Variants in SCN11A observed in about 807,000 individuals in gnomAD.
SCN11A encodes the protein sodium voltage-gated channel alpha subunit 11, also known as sodium channel protein type 11 subunit alpha.
A neutral mutation model predicts 162.2 loss-of-function variants in SCN11A; 122 were observed. That is an observed-to-expected ratio of 0.75 (90% CI 0.65 to 0.87). SCN11A has a LOEUF of 0.87. Ranked by LOEUF, SCN11A falls within the 40% of genes least tolerant of loss-of-function variation. The probability of loss-of-function intolerance (pLI) is 0.00; values close to 1 mark genes in which losing one functional copy is unlikely to be tolerated. For synonymous variants in SCN11A, 758 were observed against 751.5 expected, an observed-to-expected ratio of 1.01 and a Z score of -0.14; for missense variants, 2,015 against 2,181.6, an observed-to-expected ratio of 0.92 and a Z score of 1.52.
At position 38,846,741 on chromosome 3, in the gene SCN11A, C is replaced by A; in HGVS notation, c.5329G>T (p.Asp1777Tyr). The A allele has an allele frequency of 6.2e-7, 1 of 1,614,112 alleles. No homozygotes were observed. Among genetic ancestry groups the A allele is most frequent in the Non-Finnish European group, 8.5e-7 (1 of 1,180,014 alleles). ...HSPLQTLCNG[D>Y]LSSFGVAKGK... ...TTGGCCACCCCAAAGCTAGACAAGT[C>A]TCCATTGCAAAGAGTCTGGAGTGGT... The change falls in exon 30 of 30, where the codon GAC (aspartate) becomes TAC (tyrosine). Residue 1777 changes from aspartate to tyrosine, a missense_variant. Transcript: ENST00000302328.
chr3:38,921,733 C>G (rs998969136), intron 9 of SCN11A, among the ~76,000 whole-genome samples: 44 of 152,098 alleles, frequency 2.9e-4, no homozygotes, highest in African/African-American at 9.9e-4. Flanking sequence ...TGTCTAGACC[C>G]AAATTATGAG....
chr3:38,947,425 G>T (rs1272814809), intron 5 of SCN11A, among the ~76,000 whole-genome samples: 1 of 152,186 alleles, frequency 6.6e-6, no homozygotes, highest in African/African-American at 2.4e-5. Flanking sequence ...CTTTACCTCT[G>T]TGGACATAGG....
rs146367296 is a variant in SCN11A, at chr3:38,883,369, G to T, written c.3083C>A (p.Pro1028Gln). ...CTTTCTCTTGTCCACGCTACAGCAT[G>T]GAAAGCAGCAACCAAAGCCTGAAAG... ...CLPKGFGCCF[P>Q]CCSVDKRKPP... The change falls in exon 22 of 30, where the codon CCA becomes CAA. Residue 1028 changes from proline (P) to glutamine (Q), a missense_variant. Transcript: ENST00000302328. 1.5e-5 allele frequency: 24 copies of T among 1,612,826 alleles called. No homozygotes were observed. The highest frequency in any genetic ancestry group is 1.9e-5 in the Non-Finnish European group (22 of 1,179,644).
chr3:38,874,617 A>C (rs2065179538), intron 23 of SCN11A, among the ~76,000 whole-genome samples: 1 of 152,084 alleles, frequency 6.6e-6, no homozygotes, highest in African/African-American at 2.4e-5. Context: ...AATGAGTAAA[A>C]AGAGGCCTCT....
At position 38,925,467 on chromosome 3, in the gene SCN11A, G is replaced by C. The variant is rs761027601; in HGVS notation, c.660C>G (p.Pro220=). The change falls in exon 9 of 30, where the codon CCC becomes CCG. Residue 220 remains proline, a synonymous_variant. Transcript: ENST00000302328. ...CTCTGAACACACGGAAGGTACGCAG[G>C]GGCAATAGTTTGATGGTGATTCCTG... The part of the protein sequence containing the change: ...YIPGITIKLL[P]LRTFRVFRAL... 6.2e-7 allele frequency: 1 copy of C among 1,613,822 alleles called. No individual in the cohort carries two copies. Among genetic ancestry groups the C allele is most frequent in the Non-Finnish European group, 8.5e-7 (1 of 1,179,768 alleles).
intron 1 of SCN11A, among the ~76,000 whole-genome samples, chr3:39,050,992 G>T (rs187995148): frequency 6.6e-6 from 1 of 152,170 alleles, no homozygotes; most frequent in East Asian, 1.9e-4. Context: ...TATAATTAGT[G>T]GTCAGGAAAA....
intron 2 of SCN11A, among the ~76,000 whole-genome samples, chr3:38,997,869 C>A (rs948700479): frequency 1.2e-4 from 19 of 152,170 alleles, no homozygotes; most frequent in African/African-American, 4.3e-4. Context: ...TGAATACCAA[C>A]CAATGCCTGT....
At chr3:38,970,050 C>T in intron 2 of SCN11A, among the ~76,000 whole-genome samples, 1 of 150,714 alleles carries the variant, frequency 6.6e-6, no homozygotes, top group South Asian at 2.1e-4. Context: ...CGGCCCCTGG[C>T]TTCTGGTCCC....
intron 2 of SCN11A, among the ~76,000 whole-genome samples, chr3:38,961,202 G>C (rs146722484): frequency 6.6e-6 from 1 of 152,076 alleles, no homozygotes; most frequent in Non-Finnish European, 1.5e-5. Flanking sequence ...TACTGGTTTC[G>C]GCTCCACCAC....
intron 7 of SCN11A, among the ~76,000 whole-genome samples, chr3:38,931,048 C>T (rs2066232548): frequency 6.6e-6 from 1 of 152,234 alleles, no homozygotes; most frequent in African/African-American, 2.4e-5. Flanking sequence ...TCTGTCTCCT[C>T]CATAGGTCCT....
At chr3:38,922,676 G>C (rs2066072623) in intron 9 of SCN11A, among the ~76,000 whole-genome samples, 1 of 151,864 alleles carries the variant, frequency 6.6e-6, no homozygotes, top group Admixed American at 6.6e-5. Flanking sequence ...AGAAGAAGGA[G>C]AAGGAGGAGG....
intron 5 of SCN11A, among the ~76,000 whole-genome samples, chr3:38,948,487 A>G (rs1472376949): frequency 6.6e-6 from 1 of 152,214 alleles, no homozygotes; most frequent in African/African-American, 2.4e-5. Context: ...AAAGAGAAGT[A>G]GCCTGTGATG....
intron 2 of SCN11A, among the ~76,000 whole-genome samples, chr3:38,981,860 C>T (rs1267089048): frequency 2.6e-5 from 4 of 151,652 alleles, no homozygotes; most frequent in African/African-American, 4.9e-5. Context: ...AAAAATTAGC[C>T]GGGCATGGTG....
At chr3:38,973,428 ATATAAT>A (rs774277769) in intron 2 of SCN11A, among the ~76,000 whole-genome samples, 2 of 147,572 alleles carry the variant, frequency 1.4e-5, no homozygotes, top group Non-Finnish European at 3.0e-5. Context: ...ACACACACAC[ATATAAT>A]TATATATAGC....
chr3:38,982,846 G>A (rs2030110568), intron 2 of SCN11A, among the ~76,000 whole-genome samples: 1 of 152,132 alleles, frequency 6.6e-6, no homozygotes, highest in Non-Finnish European at 1.5e-5. Flanking sequence ...TCTTGGGGGA[G>A]ACCATTTTGG....
chr3:38,990,715 AATAGAG>A (rs919454740), intron 2 of SCN11A, among the ~76,000 whole-genome samples: 5 of 152,218 alleles, frequency 3.3e-5, no homozygotes, highest in Admixed American at 2.0e-4. Flanking sequence ...AGCCCTTCGA[AATAGAG>A]TCTGCTTCCA....
intron 6 of SCN11A, among the ~76,000 whole-genome samples, chr3:38,946,006 C>G (rs1428049920): frequency 6.6e-6 from 1 of 152,228 alleles, no homozygotes. Flanking sequence ...CAATATTTTA[C>G]TAAATCTACC....
chr3:38,991,424 T>C (rs1451993538), intron 2 of SCN11A, among the ~76,000 whole-genome samples: 3 of 152,132 alleles, frequency 2.0e-5, no homozygotes, highest in Non-Finnish European at 4.4e-5. Context: ...ACCCCCACCC[T>C]CTCTTCCTTT....
intron 11 of SCN11A, among the ~76,000 whole-genome samples, chr3:38,918,341 C>T (rs2065993402): frequency 6.6e-6 from 1 of 152,190 alleles, no homozygotes; most frequent in African/African-American, 2.4e-5. Context: ...CTAGGCTGTA[C>T]AGCAAGTGAG....
Sources: allele counts gnomAD v4.1 joint callset (sites outside exome capture counted in the v4.1 genomes callset), GRCh38; gene constraint gnomAD v4.1.1; transcripts MANE v1.5; gene names NCBI Gene and HGNC (gene_info 2026-07-23, HGNC 2026-07-21).